Variants in FAM117A observed in about 807,000 individuals in gnomAD.
FAM117A encodes family with sequence similarity 117 member A, also known as protein FAM117A.
FAM117A carries 21 observed loss-of-function variants against 44.1 expected under a neutral mutation model. That is an observed-to-expected ratio of 0.48 (90% confidence interval 0.34 to 0.69). The LOEUF is 0.69. FAM117A is among the 30% of genes least tolerant of loss of function. FAM117A has a pLI of 0.01. For missense variants in FAM117A, 498 were observed against 589.9 expected, an observed-to-expected ratio of 0.84 and a Z score of 1.61; for synonymous variants, 220 against 238.3, an observed-to-expected ratio of 0.92 and a Z score of 0.71.
chr17:49,750,787 G>A (rs894585055), intron 1 of FAM117A, among the ~76,000 whole-genome samples: 3 of 151,918 alleles, frequency 2.0e-5, no homozygotes, highest in Admixed American at 1.3e-4. Context: ...AAAAAAAGAT[G>A]AGCTATTACA....
chr17:49,737,507 G>C (rs1247400541), intron 1 of FAM117A, among the ~76,000 whole-genome samples: 1 of 152,210 alleles, frequency 6.6e-6, no homozygotes, highest in Non-Finnish European at 1.5e-5. Flanking sequence ...CTTCATCACT[G>C]TTTCGAAGGA....
chr17:49,783,687 A>T (rs932378263), intron 1 of FAM117A, among the ~76,000 whole-genome samples: 7 of 152,232 alleles, frequency 4.6e-5, no homozygotes, highest in African/African-American at 1.4e-4. Context: ...CTGCAAATGA[A>T]AATATTTTAA....
chr17:49,719,697 C>G (rs1009972334), intron 5 of FAM117A, 63 bp downstream of exon 5: 18 of 1,475,682 alleles, frequency 1.2e-5, no homozygotes, highest in Non-Finnish European at 1.6e-5. Flanking sequence ...ACTCCCAGTT[C>G]CCCTCGCCCA....
intron 1 of FAM117A, among the ~76,000 whole-genome samples, chr17:49,782,689 CA>C (rs74562078): frequency 6.6e-3 from 369 of 56,182 alleles, no homozygotes; most frequent in African/African-American, 0.013. Flanking sequence ...GACTTTGTCT[CA>C]AAAAAAAAAA....
Position 49,720,378 on chromosome 17 carries a change from T to G in FAM117A, c.521A>C (p.Lys174Thr). Reference protein sequence around the residue: ...RTKLSRSGKEKERGSPLLGDH... With the variant: ...RTKLSRSGKETERGSPLLGDH... ...CCCTAGGAGTGGTGAACCTCGCTCC[T>G]TCTCTTTCCCACTGCGGCTCAGCTT... Residue 174 changes from lysine to threonine, a missense_variant, in exon 4 of 8, where the codon AAG becomes ACG. Lys to Thr is a moderately conservative substitution (Grantham distance 78). Around this residue, in one of 3 missense-constraint regions of FAM117A, gnomAD observed 270 missense variants for 277.4 expected, o/e 0.97. Transcript: ENST00000240364. 6.2e-7 allele frequency: 1 copy of G among 1,613,952 alleles called. No homozygotes were observed. The highest frequency in any genetic ancestry group is 8.5e-7 in the Non-Finnish European group (1 of 1,180,004).
intron 1 of FAM117A, among the ~76,000 whole-genome samples, chr17:49,749,691 C>G (rs995939862): frequency 1.4e-5 from 2 of 147,920 alleles, no homozygotes; most frequent in African/African-American, 4.9e-5. Context: ...TGAATATGCT[C>G]AGTGTGCTTC....
intron 1 of FAM117A, among the ~76,000 whole-genome samples, chr17:49,734,204 C>T (rs2073600099): frequency 6.6e-6 from 1 of 151,242 alleles, no homozygotes; most frequent in Admixed American, 6.6e-5. Context: ...AACACTTTCA[C>T]ATCTGTAGTA....
At chr17:49,748,175 G>A (rs2073660988) in intron 1 of FAM117A, among the ~76,000 whole-genome samples, 1 of 152,188 alleles carries the variant, frequency 6.6e-6, no homozygotes, top group African/African-American at 2.4e-5. Flanking sequence ...TAACAGTAAT[G>A]TCACCTTCTT....
intron 5 of FAM117A, among the ~76,000 whole-genome samples, chr17:49,718,683 G>GA (rs1007687386): frequency 5.2e-5 from 7 of 133,466 alleles, no homozygotes; most frequent in Admixed American, 2.4e-4. Context: ...AAAAAAAAAA[G>GA]AAAAAAAAAT....
At chr17:49,784,470 TCAGTCTCCA>T (rs1598040722) in intron 1 of FAM117A, among the ~76,000 whole-genome samples, 1 of 152,164 alleles carries the variant, frequency 6.6e-6, no homozygotes, top group East Asian at 1.9e-4. Flanking sequence ...CACTTCCAGT[TCAGTCTCCA>T]CAGAAGGGTG....
chr17:49,780,934 G>A (rs964577693), intron 1 of FAM117A, among the ~76,000 whole-genome samples: 8 of 152,160 alleles, frequency 5.3e-5, no homozygotes, highest in African/African-American at 1.2e-4. Context: ...GGGTTCAAGC[G>A]ATTCTCCTGT....
chr17:49,778,901 A>G (rs2073782037), intron 1 of FAM117A, among the ~76,000 whole-genome samples: 1 of 152,262 alleles, frequency 6.6e-6, no homozygotes, highest in Non-Finnish European at 1.5e-5. Flanking sequence ...GTGTGCAATA[A>G]GAGCATGGCA....
At chr17:49,753,132 G>A (rs2073684028) in intron 1 of FAM117A, among the ~76,000 whole-genome samples, 1 of 152,052 alleles carries the variant, frequency 6.6e-6, no homozygotes, top group African/African-American at 2.4e-5. Context: ...CAAAGTGCTG[G>A]GATTACAGGT....
intron 2 of FAM117A, among the ~76,000 whole-genome samples, chr17:49,723,355 C>T (rs890359278): frequency 1.3e-5 from 2 of 152,168 alleles, no homozygotes; most frequent in African/African-American, 4.8e-5. Flanking sequence ...TCCCTTGCTG[C>T]ACCGAAGACA....
At chr17:49,727,936 G>C (rs745423784) in intron 2 of FAM117A, among the ~76,000 whole-genome samples, 2 of 152,218 alleles carry the variant, frequency 1.3e-5, no homozygotes, top group African/African-American at 4.8e-5. Flanking sequence ...TCAGGACCAC[G>C]TGTTCAACTG....
intron 4 of FAM117A, 108 bp downstream of exon 4, chr17:49,720,218 C>A: frequency 1.2e-6 from 1 of 852,192 alleles, no homozygotes; most frequent in Non-Finnish European, 1.8e-6. Context: ...ACAAAGCATG[C>A]AGTGTGGTAG....
At chr17:49,750,797 A>G (rs1012896011) in intron 1 of FAM117A, among the ~76,000 whole-genome samples, 2 of 152,174 alleles carry the variant, frequency 1.3e-5, no homozygotes, top group African/African-American at 4.8e-5. Flanking sequence ...GAGCTATTAC[A>G]CGAACAGGTA....
rs182158447 is a variant in FAM117A, at chr17:49,756,178, T to C, written c.196+7714A>G. ...GGGAGAATAATATATTGACACTTTT[T>C]TTTTAAAGCCTATTCAAAACATCCC... On this transcript the variant is annotated intron_variant, in intron 1 of 7. Coordinates refer to ENST00000240364, the MANE Select transcript of FAM117A (RefSeq NM_030802.4). Among the ~76,000 whole-genome samples the C allele has an allele frequency of 6.4e-3, 977 of 152,334 alleles. 15 individuals carry two copies. The highest frequency in any genetic ancestry group is 0.023 in the African/African-American group (952 of 41,558).
chr17:49,772,914 G>A (rs887790741), intron 1 of FAM117A, among the ~76,000 whole-genome samples: 1 of 152,116 alleles, frequency 6.6e-6, no homozygotes, highest in Non-Finnish European at 1.5e-5. Context: ...GCTCATGCCT[G>A]TCATCCCAGC....
Sources: allele counts gnomAD v4.1 joint callset (sites outside exome capture counted in the v4.1 genomes callset), GRCh38; gene constraint gnomAD v4.1.1; regional missense constraint gnomAD v4.1.1; transcripts MANE v1.5; gene names NCBI Gene and HGNC (gene_info 2026-07-23, HGNC 2026-07-21).